The following SLC39A10 variants were observed in gnomAD, a reference collection of about 807,000 sequenced individuals.
SLC39A10 encodes the protein zinc transporter ZIP10.
SLC39A10 carries 13 observed loss-of-function variants against 65.1 expected under a neutral mutation model. That is an observed-to-expected ratio of 0.20 (90% CI 0.13 to 0.32). The LOEUF (loss-of-function observed/expected upper bound fraction) is 0.32. SLC39A10 is among the 10% of genes least tolerant of loss of function. The pLI is 1.00. For synonymous variants in SLC39A10, 321 were observed against 342.2 expected (o/e 0.94, Z 0.68); for missense variants, 831 against 1,018.4 (o/e 0.82, Z 2.50).
At chr2:195,635,495 T>C (rs865829902) in intron 2 of SLC39A10, among the ~76,000 whole-genome samples, 120 of 152,202 alleles carry the variant, frequency 7.9e-4, no homozygotes, top group African/African-American at 2.8e-3. Context: ...GCAGCAGTAG[T>C]GGATAGCACT....
chr2:195,671,379 C>T (rs1689851338), intron 1 of SLC39A10, among the ~76,000 whole-genome samples: 2 of 152,108 alleles, frequency 1.3e-5, no homozygotes, highest in South Asian at 2.1e-4. Context: ...AGTTATTTAC[C>T]GGAATCCCTT....
intron 3 of SLC39A10, among the ~76,000 whole-genome samples, chr2:195,690,192 AAAAAAAAG>A (rs1690682119): frequency 4.7e-5 from 7 of 149,840 alleles, no homozygotes; most frequent in Non-Finnish European, 6.0e-5. Flanking sequence ...AAAAAAAAAA[AAAAAAAAG>A]AAAGAAATTC....
intron 3 of SLC39A10, among the ~76,000 whole-genome samples, chr2:195,695,709 AGCT>A (rs1381310599): frequency 6.6e-6 from 1 of 152,232 alleles, no homozygotes; most frequent in African/African-American, 2.4e-5. Context: ...TCCGAGCAGG[AGCT>A]GCAAGCTATT....
intron 1 of SLC39A10, among the ~76,000 whole-genome samples, chr2:195,667,529 T>G (rs894474435): frequency 6.6e-6 from 1 of 152,214 alleles, no homozygotes; most frequent in African/African-American, 2.4e-5. Context: ...TTGTTAGCAT[T>G]CTTTCAAAAG....
At chr2:195,653,875 T>A (rs1209627816), upstream of SLC39A10, among the ~76,000 whole-genome samples, 2 of 152,250 alleles carry the variant, frequency 1.3e-5, no homozygotes, top group Non-Finnish European at 2.9e-5. Flanking sequence ...TAATCTTGAA[T>A]CACGGAAAGA....
intron 1 of SLC39A10, among the ~76,000 whole-genome samples, chr2:195,666,670 C>T (rs1689649169): frequency 6.6e-6 from 1 of 152,184 alleles, no homozygotes; most frequent in Non-Finnish European, 1.5e-5. Context: ...CCATGTTGCT[C>T]AGGATGCTCT....
intron 2 of SLC39A10, among the ~76,000 whole-genome samples, chr2:195,644,235 G>A (rs1375495222): frequency 6.6e-6 from 1 of 151,158 alleles, no homozygotes; most frequent in African/African-American, 2.4e-5. Context: ...GGTGGCTCAC[G>A]CCTGTGATCC....
chr2:195,729,403 T>G (rs531597889), intron 9 of SLC39A10, among the ~76,000 whole-genome samples: 1 of 152,338 alleles, frequency 6.6e-6, no homozygotes, highest in South Asian at 2.1e-4. Context: ...CTGCTGACTT[T>G]TAATATCTCA....
chr2:195,679,577 T>G (rs527550289), intron 1 of SLC39A10, among the ~76,000 whole-genome samples: 1 of 152,238 alleles, frequency 6.6e-6, no homozygotes, highest in Non-Finnish European at 1.5e-5. Flanking sequence ...CATAACATGA[T>G]ATAGCCATCC....
intron 2 of SLC39A10, among the ~76,000 whole-genome samples, chr2:195,625,490 T>C (rs965308491): frequency 3.3e-5 from 5 of 151,928 alleles, no homozygotes; most frequent in African/African-American, 9.7e-5. Context: ...TTGGTCAGGC[T>C]GATCTCGAAC....
intron 6 of SLC39A10, among the ~76,000 whole-genome samples, chr2:195,715,476 A>G (rs1181359034): frequency 1.5e-4 from 22 of 150,836 alleles, no homozygotes; most frequent in Admixed American, 1.5e-3. Context: ...CAGTGAGCCA[A>G]GATCGCGCCA....
chr2:195,663,431 C>T (rs1166836512), intron 1 of SLC39A10, among the ~76,000 whole-genome samples: 2 of 151,978 alleles, frequency 1.3e-5, no homozygotes, highest in African/African-American at 4.8e-5. Flanking sequence ...TATTTAAATA[C>T]TTTATCAATA....
intron 2 of SLC39A10, among the ~76,000 whole-genome samples, chr2:195,624,909 A>AT (rs1213552365): frequency 7.0e-6 from 1 of 143,404 alleles, no homozygotes; most frequent in African/African-American, 2.6e-5. Flanking sequence ...AAAAAAAAAA[A>AT]GTTTAGTAAA....
At chr2:195,721,621 A>G (rs1055352206) in intron 8 of SLC39A10, among the ~76,000 whole-genome samples, 1 of 151,904 alleles carries the variant, frequency 6.6e-6, no homozygotes, top group African/African-American at 2.4e-5. Context: ...TAACTATCAC[A>G]TACTGCTGTT....
chr2:195,687,608 A>G (rs1415118617), intron 3 of SLC39A10, among the ~76,000 whole-genome samples: 2 of 152,238 alleles, frequency 1.3e-5, no homozygotes, highest in African/African-American at 2.4e-5. Context: ...TGCAGCTTGA[A>G]TTAATTATGT....
At chr2:195,637,410 C>T (rs1021316846) in intron 2 of SLC39A10, among the ~76,000 whole-genome samples, 1 of 152,134 alleles carries the variant, frequency 6.6e-6, no homozygotes, top group Non-Finnish European at 1.5e-5. Context: ...TATCTCATAC[C>T]AGGACTGTAG....
chr2:195,716,237 G>T (rs1268411421), intron 6 of SLC39A10, among the ~76,000 whole-genome samples: 2 of 152,088 alleles, frequency 1.3e-5, no homozygotes, highest in Admixed American at 1.3e-4. Context: ...GGAGGAGGGG[G>T]TCTAGAGGGA....
rs1691399467 is a variant in SLC39A10 at position 195,706,484 on chromosome 2, C to T, written c.1217-132C>T. On this transcript the variant is annotated intron_variant, in intron 3 of 9. Coordinates refer to ENST00000359634, the MANE Select transcript of SLC39A10 (RefSeq NM_020342.3). ...ATTTTTGTTTTGTTTTTAAACAATG[C>T]CTTAAAGCTTTCATAATCTGGGTAA... The T allele has an allele frequency of 3.8e-6, 3 of 781,432 alleles. No homozygotes were observed. The South Asian group carries it at 6.7e-5, about 17-fold the overall frequency. The allele number at this position is 781,432 out of a possible 1,614,324, so 48.4% of individuals were successfully genotyped here. A position where few individuals can be genotyped will look rare whatever the true frequency, so the allele number is the denominator to read the frequency against.
At position 195,716,950 on chromosome 2, in the gene SLC39A10, C is replaced by G; in HGVS notation, c.2010C>G (p.Ala670=). ...DLKETGIANI[A]WMVIMGDGIH... Reference sequence around the variant, plus strand: ...AAGAAACAGGAATAGCTAATATAGCCTGGATGGTGATCATGGGGGATGGCA... The same window carrying G: ...AAGAAACAGGAATAGCTAATATAGCGTGGATGGTGATCATGGGGGATGGCA... Residue 670 remains alanine, a synonymous_variant, in exon 7 of 10, where the codon GCC becomes GCG. Coordinates refer to ENST00000359634, the MANE Select transcript of SLC39A10 (RefSeq NM_020342.3). 1 of 1,614,180 alleles carries G rather than the reference C, an allele frequency of 6.2e-7. No homozygotes were observed. Among genetic ancestry groups the G allele is most frequent in the South Asian group, 1.1e-5 (1 of 91,080 alleles).
Sources: gnomAD v4.1 joint callset for allele counts (sites outside exome capture counted in the v4.1 genomes callset) on GRCh38, gnomAD v4.1.1 for gene constraint, MANE v1.5 for transcripts, NCBI Gene and HGNC (gene_info 2026-07-23, HGNC 2026-07-21) for gene names.